SESN1: variants seen among roughly 807,000 people sequenced by gnomAD.
SESN1 encodes the protein sestrin 1.
SESN1 carries 30 observed loss-of-function variants against 59.3 expected under a neutral mutation model. That is an observed-to-expected ratio of 0.51 (90% CI 0.38 to 0.69). The LOEUF is 0.69. SESN1 is among the 30% of genes least tolerant of loss of function. The pLI is 0.00. For missense variants in SESN1, 566 were observed against 673.0 expected, an observed-to-expected ratio of 0.84 and a Z score of 1.76; for synonymous variants, 197 against 219.9, an observed-to-expected ratio of 0.90 and a Z score of 0.92.
chr6:109,009,644 C>G (rs554223421), intron 1 of SESN1: 1 of 801,340 alleles, frequency 1.2e-6, no homozygotes, highest in South Asian at 5.7e-5. Context: ...CAAGCCAATG[C>G]GGGCTCGCGT....
chr6:109,063,208 A>C (rs1269182628), intron 1 of SESN1, among the ~76,000 whole-genome samples: 3 of 151,468 alleles, frequency 2.0e-5, no homozygotes, highest in African/African-American at 4.9e-5. Flanking sequence ...GTAGAGACAC[A>C]CCTCTATATT....
At chr6:109,005,137 T>C (rs772627862) in intron 1 of SESN1, among the ~76,000 whole-genome samples, 8 of 152,200 alleles carry the variant, frequency 5.3e-5, no homozygotes, top group African/African-American at 7.2e-5. Flanking sequence ...CACTGCAACA[T>C]TGTTTCTAAT....
rs372517297 is a variant in SESN1 at position 109,093,965 on chromosome 6, C to T, written c.109G>A (p.Glu37Lys). 3 of 1,614,072 alleles carry T rather than the reference C, an allele frequency of 1.9e-6. No individual in the cohort carries two copies. The highest frequency in any genetic ancestry group is 1.7e-5 in the Admixed American group (1 of 60,014). Residue 37 changes from glutamate (E) to lysine (K), a missense_variant, in exon 1 of 10, where the codon GAG (glutamate) becomes AAG (lysine). Glu to Lys is a moderately conservative substitution (Grantham distance 56, BLOSUM62 1). Coordinates refer to ENST00000436639, the MANE Select transcript of SESN1 (RefSeq NM_014454.3). The part of the protein sequence containing the change: ...NIRQTILRKT[E>K]YLRSVKETPH... ...GTTTCTTTCACCGAACGAAGATACT[C>T]GGTTTTCCTCAAAATGGTTTGCCTA...
chr6:109,023,820 A>G (rs1245701278), intron 1 of SESN1, among the ~76,000 whole-genome samples: 1 of 151,362 alleles, frequency 6.6e-6, no homozygotes, highest in Non-Finnish European at 1.5e-5. Context: ...AAAAACATAA[A>G]TGAAGACTTA....
chr6:109,002,910 GT>G (rs1477174207), intron 1 of SESN1, among the ~76,000 whole-genome samples: 1 of 152,130 alleles, frequency 6.6e-6, no homozygotes, highest in Non-Finnish European at 1.5e-5. Context: ...AACTCATTTT[GT>G]TTGTAAGTTT....
chr6:109,000,503 T>C lies in SESN1; in HGVS notation c.717A>G (p.Lys239=). Reference sequence around the variant, plus strand: ...CCCCACTGCTTACCTCAATGTGTTCTTTGGTAATAAGCCAAGGTCTATGGG... The same window carrying C: ...CCCCACTGCTTACCTCAATGTGTTCCTTGGTAATAAGCCAAGGTCTATGGG... ...VLAHRPWLIT[K]EHIEGLLKAE... The change falls in exon 4 of 10, where the codon AAA becomes AAG. Residue 239 remains lysine (K), a synonymous_variant. Coordinates refer to ENST00000436639, the MANE Select transcript of SESN1 (RefSeq NM_014454.3). 6.3e-7 allele frequency: 1 copy of C among 1,581,848 alleles called. No homozygotes were observed. The highest frequency in any genetic ancestry group is 8.6e-7 in the Non-Finnish European group (1 of 1,163,676).
intron 1 of SESN1, among the ~76,000 whole-genome samples, chr6:109,040,084 T>C (rs1218360907): frequency 1.3e-5 from 2 of 152,172 alleles, no homozygotes; most frequent in African/African-American, 4.8e-5. Context: ...TGATACCAAG[T>C]ACAGTATTAT....
chr6:109,078,172 A>G (rs1383558279), intron 1 of SESN1, among the ~76,000 whole-genome samples: 1 of 152,052 alleles, frequency 6.6e-6, no homozygotes. Flanking sequence ...AATAATTACA[A>G]TAAGTTCGTG....
chr6:109,028,553 A>G (rs1780131931), intron 1 of SESN1, among the ~76,000 whole-genome samples: 1 of 152,196 alleles, frequency 6.6e-6, no homozygotes, highest in African/African-American at 2.4e-5. Context: ...TCTTTCTTCC[A>G]GAGACCAGTG....
intron 1 of SESN1, among the ~76,000 whole-genome samples, chr6:109,058,003 A>C (rs1780663984): frequency 6.6e-6 from 1 of 152,070 alleles, no homozygotes; most frequent in Non-Finnish European, 1.5e-5. Flanking sequence ...GATGTACTGC[A>C]TATACAACAG....
At position 109,065,866 on chromosome 6, in the gene SESN1, C is replaced by T. The variant is rs912052866; in HGVS notation, c.279+27929G>A. On this transcript the variant is annotated intron_variant, in intron 1 of 9. Transcript: ENST00000436639. ...CTTTTCTCTATTATAATAGAAGATA[C>T]TATCTATAATTAGAATCTAAAACCA... 9.9e-5 allele frequency among the ~76,000 whole-genome samples: 15 copies of T among 151,824 alleles called. No homozygotes were observed. The East Asian group carries it at 2.5e-3, about 25-fold the overall frequency.
At chr6:109,067,582 G>C (rs947389670) in intron 1 of SESN1, among the ~76,000 whole-genome samples, 1 of 152,018 alleles carries the variant, frequency 6.6e-6, no homozygotes, top group Non-Finnish European at 1.5e-5. Context: ...CCCTCTCTCC[G>C]GTCTTTCCTC....
In SESN1 at chr6:108,994,484, CTCTCTT is replaced by C. The variant is rs1452872382; in HGVS notation, c.1092_1097del (p.Arg365_Glu366del). The C allele has an allele frequency of 6.2e-7, 1 of 1,612,498 alleles. No individual in the cohort carries two copies. The highest frequency in any genetic ancestry group is 1.3e-5 in the African/African-American group (1 of 74,866). ...TACCTGAAGAGAAGACAAACATACTCTCTCTTTTTTCTATTTCAAAACGTGAAGCCA... is the reference window on the plus strand; with the variant it reads ...TACCTGAAGAGAAGACAAACATACTCTTTTCTATTTCAAAACGTGAAGCCA... On this transcript the variant is annotated inframe_deletion, in exon 6 of 10. Transcript: ENST00000436639.
chr6:109,094,120 C>G lies in SESN1; in HGVS notation c.-47G>C. The stretch of plus-strand genomic sequence containing the variant: ...GTCTTCAGTTACCTTTCAGCATGCC[C>G]CAAAAAAATTGCTTTGTATTTTTAA... On this transcript the variant is annotated 5_prime_UTR_variant, in exon 1 of 10. Transcript: ENST00000436639. The G allele has an allele frequency of 6.5e-7, 1 of 1,532,738 alleles. No homozygotes were observed. The highest frequency in any genetic ancestry group is 8.8e-7 in the Non-Finnish European group (1 of 1,138,486). The allele number at this position is 1,532,738 out of a possible 1,614,324, so 94.9% of individuals were successfully genotyped here.
chr6:109,046,703 G>T (rs1190611706), intron 1 of SESN1, among the ~76,000 whole-genome samples: 1 of 126,148 alleles, frequency 7.9e-6, no homozygotes, highest in Non-Finnish European at 1.7e-5. Context: ...GCCGCCCATC[G>T]TCTGAGATGT....
chr6:109,024,733 AT>A (rs1780063455), intron 1 of SESN1, among the ~76,000 whole-genome samples: 1 of 152,174 alleles, frequency 6.6e-6, no homozygotes, highest in South Asian at 2.1e-4. Flanking sequence ...ATGGTAGAGT[AT>A]TGGTTGTCTG....
At chr6:109,066,403 C>A (rs779356644) in intron 1 of SESN1, among the ~76,000 whole-genome samples, 23 of 151,046 alleles carry the variant, frequency 1.5e-4, no homozygotes, top group Non-Finnish European at 2.8e-4. Flanking sequence ...TGTCTCCCTG[C>A]AGTGAATTAG....
chr6:109,094,135 T>G lies in SESN1; in HGVS notation c.-62A>C. On this transcript the variant is annotated 5_prime_UTR_variant, in exon 1 of 10. Transcript: ENST00000436639. ...TCAGCATGCCCCAAAAAAATTGCTT[T>G]GTATTTTTAAAATGAAAAATGTAAA... The G allele has an allele frequency of 6.7e-7, 1 of 1,498,906 alleles. No homozygotes were observed. The highest frequency in any genetic ancestry group is 1.3e-5 in the South Asian group (1 of 79,742). 92.9% of individuals were successfully genotyped at this position (1,498,906 alleles called of 1,614,324 possible).
intron 1 of SESN1, among the ~76,000 whole-genome samples, chr6:109,017,992 AC>A (rs1215785652): frequency 2.0e-5 from 3 of 152,176 alleles, no homozygotes; most frequent in Non-Finnish European, 4.4e-5. Context: ...CATGGCGAGA[AC>A]CCTGTCTCTT....
Sources: gnomAD v4.1 joint callset for allele counts (sites outside exome capture counted in the v4.1 genomes callset) on GRCh38, gnomAD v4.1.1 for gene constraint, MANE v1.5 for transcripts, NCBI Gene and HGNC (gene_info 2026-07-23, HGNC 2026-07-21) for gene names.